AAR2: variants seen among roughly 807,000 people sequenced by gnomAD.
AAR2 encodes protein AAR2 homolog.
A neutral mutation model predicts 26.9 loss-of-function variants in AAR2; 31 were observed. That is an observed-to-expected ratio of 1.15 (90% CI 0.86 to 1.55). AAR2 has a LOEUF of 1.55. Ranked by LOEUF, AAR2 falls within the 40% of genes most tolerant of loss-of-function variation. The pLI is 0.00. For missense variants in AAR2, 430 were observed against 491.3 expected, an observed-to-expected ratio of 0.88 and a Z score of 1.18; for synonymous variants, 188 against 196.1, an observed-to-expected ratio of 0.96 and a Z score of 0.34.
In AAR2 at chr20:36,239,886, G is replaced by A. The variant is rs764982078; in HGVS notation, c.18G>A (p.Met6Ile). 4 of 1,594,716 alleles carry A rather than the reference G, an allele frequency of 2.5e-6. No homozygotes were observed. The Admixed American group carries it at 5.1e-5, about 20-fold the overall frequency. Residue 6 changes from methionine (M) to isoleucine (I), a missense_variant, in exon 2 of 4, where the codon ATG becomes ATA. Met to Ile is a conservative substitution (Grantham distance 10). Transcript: ENST00000320849. ...CTGGCCCCATGGCTGCCGTGCAGAT[G>A]GATCCTGAGCTAGCCAAGCGCCTCT... MAAVQ[M>I]DPELAKRLFF...
intron 2 of AAR2, 151 bp downstream of exon 2, chr20:36,240,776 G>A: frequency 8.9e-7 from 1 of 1,124,834 alleles, no homozygotes; most frequent in South Asian, 1.7e-5. Flanking sequence ...CCTTAGCCCT[G>A]GAGATTTCGA....
intron 3 of AAR2, among the ~76,000 whole-genome samples, chr20:36,249,424 G>A (rs935172318): frequency 5.9e-5 from 9 of 152,154 alleles, no homozygotes; most frequent in Non-Finnish European, 1.2e-4. Context: ...TGTTGATTAC[G>A]TAGTACTTAG....
At chr20:36,244,349 G>T (rs1353892290) in intron 2 of AAR2, among the ~76,000 whole-genome samples, 1 of 152,200 alleles carries the variant, frequency 6.6e-6, no homozygotes, top group Non-Finnish European at 1.5e-5. Flanking sequence ...CAGTGATTCT[G>T]ATGGGCAGCC....
At position 36,241,069 on chromosome 20, in the gene AAR2, AT is replaced by A. The variant is rs546619807; in HGVS notation, c.757+454del. ...TCAACTGGCTTAGAACAGGACAGTG[AT>A]TTTTTTTTTAATCATTACAGTTTTT... On this transcript the variant is annotated intron_variant, in intron 2 of 3. Transcript: ENST00000320849. Among the ~76,000 whole-genome samples, 1,019 of 150,336 alleles carry A rather than the reference AT, an allele frequency of 6.8e-3. 8 individuals are homozygous for A. The highest frequency in any genetic ancestry group is 0.023 in the African/African-American group (956 of 40,994).
Position 36,240,611 on chromosome 20 carries a change from C to G in AAR2, c.743C>G (p.Pro248Arg). The G allele has an allele frequency of 6.2e-7, 1 of 1,609,666 alleles. No homozygotes were observed. ...CTCAACAAGCAGTTCCCCAGCAGCC[C>G]CCAGGATGTGCTTGGTGAGAAGGAA... is the stretch of plus-strand genomic sequence containing the variant. The part of the protein sequence containing the change: ...TVLNKQFPSS[P>R]QDVLGELQFA... Residue 248 changes from proline to arginine, a missense_variant, in exon 2 of 4, where the codon CCC (proline) becomes CGC (arginine). Physicochemically the swap from Pro to Arg is moderately radical, Grantham distance 103. Transcript: ENST00000320849.
Position 36,240,614 on chromosome 20 carries a change from A to G in AAR2, c.746A>G (p.Gln249Arg), listed in dbSNP as rs757233528. 1.9e-6 allele frequency: 3 copies of G among 1,609,400 alleles called. No individual in the cohort carries two copies. Among genetic ancestry groups the G allele is most frequent in the Non-Finnish European group, 1.7e-6 (2 of 1,177,312 alleles). Residue 249 changes from glutamine (Q) to arginine (R), a missense_variant, in exon 2 of 4, where the codon CAG (glutamine) becomes CGG (arginine). Coordinates refer to ENST00000320849, the MANE Select transcript of AAR2 (RefSeq NM_001271874.2). The part of the protein sequence containing the change: ...VLNKQFPSSP[Q>R]DVLGELQFAF... ...AACAAGCAGTTCCCCAGCAGCCCCC[A>G]GGATGTGCTTGGTGAGAAGGAACAA... is the stretch of plus-strand genomic sequence containing the variant.
intron 3 of AAR2, among the ~76,000 whole-genome samples, chr20:36,252,870 C>T (rs1387401810): frequency 2.0e-5 from 3 of 152,196 alleles, no homozygotes; most frequent in Non-Finnish European, 4.4e-5. Flanking sequence ...TACCAGGCCC[C>T]TCCCCAGAAT....
In AAR2 at chr20:36,244,907, T is replaced by C; in HGVS notation, c.968T>C (p.Phe323Ser). 1 of 1,614,112 alleles carries C rather than the reference T, an allele frequency of 6.2e-7. No homozygotes were observed. Among genetic ancestry groups the C allele is most frequent in the Non-Finnish European group, 8.5e-7 (1 of 1,179,942 alleles). Residue 323 changes from phenylalanine to serine, a missense_variant, in exon 3 of 4, where the codon TTC (phenylalanine) becomes TCC (serine). Coordinates refer to ENST00000320849, the MANE Select transcript of AAR2 (RefSeq NM_001271874.2). ...FFVDIVSQDN[F>S]LTSTLQVFFS... ...GTAGACATTGTCTCCCAAGACAACT[T>C]CCTCACCAGCACCTTACAGGTGAGC...
chr20:36,252,618 C>G (rs1181503635), intron 3 of AAR2, among the ~76,000 whole-genome samples: 1 of 152,096 alleles, frequency 6.6e-6, no homozygotes, highest in Admixed American at 6.5e-5. Flanking sequence ...GTGTTAAGAG[C>G]AGAGGGAAAA....
chr20:36,238,563 C>G (rs554200535), intron 1 of AAR2, among the ~76,000 whole-genome samples: 50 of 152,096 alleles, frequency 3.3e-4, no homozygotes, highest in African/African-American at 1.2e-3. Flanking sequence ...CCAGACTAGC[C>G]TAGGCCACAT....
chr20:36,239,926 A>T lies in AAR2; in HGVS notation c.58A>T (p.Thr20Ser). The change falls in exon 2 of 4, where the codon ACT becomes TCT. Residue 20 changes from threonine (T) to serine (S), a missense_variant. By Grantham distance (58) the Thr-to-Ser change is moderately conservative. Transcript: ENST00000320849. ...CAAGCGCCTCTTCTTTGAAGGGGCC[A>T]CTGTGGTCATCCTGAACATGCCCAA... ...LAKRLFFEGA[T>S]VVILNMPKGT... 1 of 1,612,742 alleles carries T rather than the reference A, an allele frequency of 6.2e-7. No individual in the cohort carries two copies.
At chr20:36,255,260 G>A (rs567855413) in intron 3 of AAR2, among the ~76,000 whole-genome samples, 6 of 152,318 alleles carry the variant, frequency 3.9e-5, no homozygotes, top group Admixed American at 3.3e-4. Flanking sequence ...CCTTAGTACC[G>A]ACTGGTGTAG....
intron 1 of AAR2, among the ~76,000 whole-genome samples, chr20:36,238,784 T>G (rs2064645788): frequency 1.3e-5 from 2 of 151,604 alleles, no homozygotes; most frequent in African/African-American, 4.8e-5. Context: ...AGTAAACAAT[T>G]AAACAGGCAG....
intron 3 of AAR2, among the ~76,000 whole-genome samples, chr20:36,248,996 A>G (rs1337830946): frequency 6.6e-6 from 1 of 152,140 alleles, no homozygotes; most frequent in East Asian, 1.9e-4. Flanking sequence ...ATCAGCCCAT[A>G]AAAGCCTTCC....
chr20:36,249,101 G>T (rs987678777), intron 3 of AAR2, among the ~76,000 whole-genome samples: 4 of 152,160 alleles, frequency 2.6e-5, no homozygotes, highest in Non-Finnish European at 4.4e-5. Flanking sequence ...AGAGGGACTG[G>T]TGTTTGTGTG....
At chr20:36,251,223 T>A (rs1376904484) in intron 3 of AAR2, among the ~76,000 whole-genome samples, 1 of 151,986 alleles carries the variant, frequency 6.6e-6, no homozygotes. Context: ...ATCTAGGTAT[T>A]CGTGGCATGT....
At chr20:36,242,492 G>A (rs968612225) in intron 2 of AAR2, among the ~76,000 whole-genome samples, 9 of 151,950 alleles carry the variant, frequency 5.9e-5, no homozygotes, top group African/African-American at 1.7e-4. Context: ...CCGGGTTCAC[G>A]CCATTCTCCT....
chr20:36,255,642 TC>T lies in AAR2; in HGVS notation c.1054del (p.Gln352LysfsTer4), dbSNP rs1386703821. ...ACCCTGAGAAAGAAAGCTGAAAAGT[TC>T]CAAGCTCACCTGACCAAGAAGTTCC... is the stretch of plus-strand genomic sequence containing the variant. The part of the protein sequence containing the change: ...DATLRKKAEK[F>X]QAHLTKKFRW... On this transcript the variant is annotated frameshift_variant, in exon 4 of 4. Transcript: ENST00000320849. LOFTEE classifies it high-confidence loss of function. 1 of 1,614,182 alleles carries T rather than the reference TC, an allele frequency of 6.2e-7. No individual in the cohort carries two copies. Among genetic ancestry groups the T allele is most frequent in the South Asian group, 1.1e-5 (1 of 91,076 alleles).
In AAR2 at chr20:36,240,376, A is replaced by G; in HGVS notation, c.508A>G (p.Thr170Ala). 2 of 1,614,246 alleles carry G rather than the reference A, an allele frequency of 1.2e-6. No homozygotes were observed. Among genetic ancestry groups the G allele is most frequent in the Non-Finnish European group, 1.7e-6 (2 of 1,180,046 alleles). ...GCTACCTGTGCTCTCCATGAAGCAC[A>G]CCAAGGACCGCGTGGGGCAGAATCT... The part of the protein sequence containing the change: ...DVLPVLSMKH[T>A]KDRVGQNLPR... Residue 170 changes from threonine (T) to alanine (A), a missense_variant, in exon 2 of 4, where the codon ACC becomes GCC. Physicochemically the swap from Thr to Ala is moderately conservative, Grantham distance 58. Transcript: ENST00000320849.
Sources: allele counts gnomAD v4.1 joint callset (sites outside exome capture counted in the v4.1 genomes callset), GRCh38; gene constraint gnomAD v4.1.1; transcripts MANE v1.5; gene names NCBI Gene and HGNC (gene_info 2026-07-23, HGNC 2026-07-21).